The following DNM3 variants were observed in gnomAD, a reference collection of about 807,000 sequenced individuals.
DNM3 encodes dynamin-3.
In DNM3, 47 loss-of-function variants were observed where a neutral mutation model predicts 101.6. The observed-to-expected ratio is 0.46, with a 90% confidence interval of 0.37 to 0.59. The LOEUF is 0.59. Ranked by LOEUF, DNM3 falls within the 20% of genes least tolerant of loss-of-function variation. DNM3 has a pLI of 0.00. For synonymous variants in DNM3, 385 were observed against 387.9 expected (o/e 0.99, Z 0.09); for missense variants, 849 against 1,085.7 (o/e 0.78, Z 3.06).
At chr1:172,354,489 T>G (rs1359543063) in intron 17 of DNM3, among the ~76,000 whole-genome samples, 1 of 152,116 alleles carries the variant, frequency 6.6e-6, no homozygotes, top group Non-Finnish European at 1.5e-5. Context: ...CTGGGGACTT[T>G]CCCCCTTATC....
chr1:172,250,588 G>C (rs1225715446), intron 14 of DNM3, among the ~76,000 whole-genome samples: 2 of 152,106 alleles, frequency 1.3e-5, no homozygotes, highest in Non-Finnish European at 2.9e-5. Context: ...ACATGCTTGT[G>C]AGATGCCAGG....
At chr1:172,148,043 C>T (rs553310596) in intron 14 of DNM3, among the ~76,000 whole-genome samples, 18 of 152,050 alleles carry the variant, frequency 1.2e-4, no homozygotes, top group Non-Finnish European at 1.5e-4. Flanking sequence ...AACATTATTT[C>T]ATCAGAGTCC....
intron 15 of DNM3, among the ~76,000 whole-genome samples, chr1:172,273,187 T>C (rs1217769482): frequency 6.6e-6 from 1 of 152,058 alleles, no homozygotes; most frequent in Non-Finnish European, 1.5e-5. Context: ...CCTGTTTCTT[T>C]GCATTAGATG....
Position 172,410,287 on chromosome 1 carries a change from A to G in DNM3, c.*2446A>G. ...CTAGTATGTGCATAGTTTGACGTGC[A>G]GCATGCACACCAGGCCTTAAGATGG... On this transcript the variant is annotated 3_prime_UTR_variant, in exon 21 of 21. Transcript: ENST00000627582. The G allele has an allele frequency of 1.0e-6, 1 of 985,366 alleles. No individual in the cohort carries two copies. Among genetic ancestry groups the G allele is most frequent in the African/African-American group, 1.7e-5 (1 of 57,366 alleles). 61.0% of individuals were successfully genotyped at this position (985,366 alleles called of 1,614,324 possible).
chr1:172,266,217 T>C (rs1471134590), intron 15 of DNM3, among the ~76,000 whole-genome samples: 1 of 152,220 alleles, frequency 6.6e-6, no homozygotes, highest in Non-Finnish European at 1.5e-5. Context: ...CCTCTATGGC[T>C]ACATTTCTAT....
intron 2 of DNM3, among the ~76,000 whole-genome samples, chr1:171,931,784 G>A (rs1270096550): frequency 6.6e-6 from 1 of 152,020 alleles, no homozygotes; most frequent in Non-Finnish European, 1.5e-5. Context: ...ACCTGGCAGG[G>A]CTGTAGTCCT....
chr1:172,289,875 G>T, intron 15 of DNM3: 3 of 976,548 alleles, frequency 3.1e-6, no homozygotes, highest in Non-Finnish European at 3.6e-6. Flanking sequence ...ATCATAATTT[G>T]TAGTTTTATT....
At chr1:172,191,136 T>G (rs1354032980) in intron 14 of DNM3, among the ~76,000 whole-genome samples, 2 of 152,204 alleles carry the variant, frequency 1.3e-5, no homozygotes, top group Non-Finnish European at 2.9e-5. Context: ...TTTCTGGGGT[T>G]TTTATGGTTT....
chr1:172,190,737 G>A (rs2059687468), intron 14 of DNM3, among the ~76,000 whole-genome samples: 1 of 152,120 alleles, frequency 6.6e-6, no homozygotes, highest in Admixed American at 6.6e-5. Flanking sequence ...ATCTCATTGT[G>A]GTTTTGATTT....
chr1:172,097,352 A>G (rs2054314345), intron 13 of DNM3, among the ~76,000 whole-genome samples: 1 of 151,996 alleles, frequency 6.6e-6, no homozygotes, highest in African/African-American at 2.4e-5. Flanking sequence ...GTGAGCCAAG[A>G]TCACACCACT....
At chr1:172,216,899 A>G (rs1254759644) in intron 14 of DNM3, among the ~76,000 whole-genome samples, 1 of 152,080 alleles carries the variant, frequency 6.6e-6, no homozygotes, top group Non-Finnish European at 1.5e-5. Flanking sequence ...CTGTAATTGG[A>G]TATGTATCTA....
At chr1:171,915,389 A>T (rs1408958639) in intron 1 of DNM3, among the ~76,000 whole-genome samples, 1 of 152,158 alleles carries the variant, frequency 6.6e-6, no homozygotes, top group Non-Finnish European at 1.5e-5. Context: ...TTAGTGTAGC[A>T]GTTTATATGA....
At chr1:172,251,792 G>C (rs887938487) in intron 14 of DNM3, among the ~76,000 whole-genome samples, 1 of 152,010 alleles carries the variant, frequency 6.6e-6, no homozygotes, top group African/African-American at 2.4e-5. Flanking sequence ...TAGTTTAAAA[G>C]AATCCAGCTG....
chr1:172,326,540 G>A (rs780921969), intron 17 of DNM3, among the ~76,000 whole-genome samples: 1 of 151,742 alleles, frequency 6.6e-6, no homozygotes. Context: ...GAGGCCTTAG[G>A]TAAAAAATTA....
At chr1:171,953,645 T>C (rs1418234935) in intron 2 of DNM3, among the ~76,000 whole-genome samples, 1 of 151,936 alleles carries the variant, frequency 6.6e-6, no homozygotes, top group Non-Finnish European at 1.5e-5. Flanking sequence ...GCCAGGCTTG[T>C]CTCGAACTTC....
At chr1:172,314,525 C>G (rs1306527171) in intron 16 of DNM3, among the ~76,000 whole-genome samples, 1 of 152,200 alleles carries the variant, frequency 6.6e-6, no homozygotes, top group Non-Finnish European at 1.5e-5. Flanking sequence ...AATCAGGTCA[C>G]TCCCACCCGC....
At chr1:172,069,904 G>A (rs1488391182) in intron 11 of DNM3, among the ~76,000 whole-genome samples, 2 of 152,114 alleles carry the variant, frequency 1.3e-5, no homozygotes, top group African/African-American at 4.8e-5. Context: ...AAAGGAAGAA[G>A]ACAAAATAAA....
chr1:171,866,147 C>A (rs1235910438), intron 1 of DNM3, among the ~76,000 whole-genome samples: 1 of 152,066 alleles, frequency 6.6e-6, no homozygotes, highest in East Asian at 1.9e-4. Flanking sequence ...CCTGATTTAT[C>A]CTAATAACTT....
intron 10 of DNM3, among the ~76,000 whole-genome samples, chr1:172,062,197 G>A (rs1204318373): frequency 6.6e-6 from 1 of 152,154 alleles, no homozygotes; most frequent in East Asian, 1.9e-4. Flanking sequence ...CATTTTAACT[G>A]CTCATTAATA....
Sources: allele counts gnomAD v4.1 joint callset (sites outside exome capture counted in the v4.1 genomes callset), GRCh38; gene constraint gnomAD v4.1.1; transcripts MANE v1.5; gene names NCBI Gene and HGNC (gene_info 2026-07-23, HGNC 2026-07-21).